ZNF131: variants seen among roughly 807,000 people sequenced by gnomAD.
ZNF131 encodes zinc finger protein 131.
A neutral mutation model predicts 60.0 loss-of-function variants in ZNF131; 7 were observed. The ratio of observed to expected loss-of-function variants is 0.12; its 90% confidence interval spans 0.07 to 0.22. ZNF131 has a LOEUF of 0.22. Among genes scored for constraint, ZNF131 ranks in the 10% least tolerant of loss-of-function variants. ZNF131 has a pLI of 1.00. For synonymous variants in ZNF131, 257 were observed against 253.2 expected, an observed-to-expected ratio of 1.01 and a Z score of -0.14; for missense variants, 493 against 740.9, an observed-to-expected ratio of 0.67 and a Z score of 3.88.
In ZNF131 at chr5:43,173,309, C is replaced by A. The variant is rs780715636; in HGVS notation, c.1055-9C>A. ...AATTTGCCAACGTATCTTTTTTCCC[C>A]TCTAATAGGTGAAAAACCTTTTGAA... is the stretch of plus-strand genomic sequence containing the variant. On this transcript the variant is annotated splice_polypyrimidine_tract_variant and intron_variant, in intron 5 of 6. Coordinates refer to ENST00000682664, the MANE Select transcript of ZNF131 (RefSeq NM_001330707.2). 6 of 1,559,710 alleles carry A rather than the reference C, an allele frequency of 3.8e-6. No homozygotes were observed. The highest frequency in any genetic ancestry group is 5.2e-6 in the Non-Finnish European group (6 of 1,145,506).
At chr5:43,133,954 TAAAAG>T (rs1745687217) in intron 3 of ZNF131, among the ~76,000 whole-genome samples, 1 of 152,136 alleles carries the variant, frequency 6.6e-6, no homozygotes, top group African/African-American at 2.4e-5. Flanking sequence ...AATGAAATGT[TAAAAG>T]AAATTAATGC....
At chr5:43,133,114 A>C (rs1745577042) in intron 3 of ZNF131, among the ~76,000 whole-genome samples, 1 of 152,204 alleles carries the variant, frequency 6.6e-6, no homozygotes, top group Non-Finnish European at 1.5e-5. Flanking sequence ...GTATCACTTT[A>C]GGACTAAATT....
chr5:43,138,566 C>T (rs537316996), intron 3 of ZNF131, among the ~76,000 whole-genome samples: 1 of 152,232 alleles, frequency 6.6e-6, no homozygotes, highest in South Asian at 2.1e-4. Context: ...ACAGGAGAAT[C>T]TCTTGAATCT....
chr5:43,153,083 C>G (rs532464770), intron 4 of ZNF131, among the ~76,000 whole-genome samples: 1 of 152,246 alleles, frequency 6.6e-6, no homozygotes, highest in East Asian at 1.9e-4. Context: ...ACATTTAAAA[C>G]TTAGAGACCC....
chr5:43,156,700 C>A (rs1749008480), intron 4 of ZNF131, among the ~76,000 whole-genome samples: 1 of 152,122 alleles, frequency 6.6e-6, no homozygotes, highest in African/African-American at 2.4e-5. Flanking sequence ...GGTTTATGTC[C>A]TTTTTGACTT....
chr5:43,155,364 C>T (rs1748829478), intron 4 of ZNF131, among the ~76,000 whole-genome samples: 1 of 152,104 alleles, frequency 6.6e-6, no homozygotes, highest in South Asian at 2.1e-4. Context: ...AACAAGAGCG[C>T]AACAGCAAAC....
intron 6 of ZNF131, among the ~76,000 whole-genome samples, chr5:43,174,089 G>A (rs745643014): frequency 2.2e-4 from 34 of 152,240 alleles, no homozygotes; most frequent in African/African-American, 6.7e-4. Flanking sequence ...TTAGCCAGGC[G>A]TGGTGGCAGA....
chr5:43,156,600 C>T (rs908642149), intron 4 of ZNF131, among the ~76,000 whole-genome samples: 10 of 152,220 alleles, frequency 6.6e-5, no homozygotes, highest in African/African-American at 2.4e-4. Flanking sequence ...GTCAGTGTAA[C>T]GTCATCCCTG....
intron 4 of ZNF131, among the ~76,000 whole-genome samples, chr5:43,150,880 A>G (rs1748220909): frequency 6.6e-6 from 1 of 152,218 alleles, no homozygotes; most frequent in Non-Finnish European, 1.5e-5. Flanking sequence ...TTCAAGCAGC[A>G]GGATTTGGGC....
At chr5:43,164,801 G>C (rs1333151774) in intron 5 of ZNF131, among the ~76,000 whole-genome samples, 1 of 152,162 alleles carries the variant, frequency 6.6e-6, no homozygotes, top group Non-Finnish European at 1.5e-5. Flanking sequence ...AGTAATTTAA[G>C]TAGTTGTTAT....
At chr5:43,153,888 C>G (rs1748636589) in intron 4 of ZNF131, among the ~76,000 whole-genome samples, 1 of 152,194 alleles carries the variant, frequency 6.6e-6, no homozygotes, top group East Asian at 1.9e-4. Context: ...TGTCGCCATA[C>G]TCAACAAGCT....
chr5:43,123,172 T>G, intron 2 of ZNF131, 37 bp from the exon 3 acceptor site: 1 of 1,518,882 alleles, frequency 6.6e-7, no homozygotes, highest in Non-Finnish European at 8.9e-7. Flanking sequence ...TTTTCGTGCT[T>G]GTGTATGATT....
chr5:43,151,917 C>T (rs1748362017), intron 4 of ZNF131, among the ~76,000 whole-genome samples: 1 of 152,202 alleles, frequency 6.6e-6, no homozygotes, highest in African/African-American at 2.4e-5. Context: ...ATGTAGTCTC[C>T]TTTCCCAGTT....
At chr5:43,168,791 C>T (rs369644943) in intron 5 of ZNF131, among the ~76,000 whole-genome samples, 7 of 151,970 alleles carry the variant, frequency 4.6e-5, no homozygotes, top group African/African-American at 9.7e-5. Context: ...GCAGTGTTAG[C>T]GGAAAAGAGA....
At chr5:43,164,870 C>G (rs1750155677) in intron 5 of ZNF131, among the ~76,000 whole-genome samples, 2 of 152,106 alleles carry the variant, frequency 1.3e-5, no homozygotes, top group Non-Finnish European at 2.9e-5. Context: ...CAAACCGAAC[C>G]CCCACTTCAT....
intron 4 of ZNF131, among the ~76,000 whole-genome samples, chr5:43,144,617 T>A (rs1236648879): frequency 6.6e-6 from 1 of 152,178 alleles, no homozygotes; most frequent in Non-Finnish European, 1.5e-5. Flanking sequence ...AGCCCAAACT[T>A]GTAATGCCAC....
rs1743929949 is a variant in ZNF131, at chr5:43,122,104, T to C, written c.51T>C (p.His17=). 6.2e-7 allele frequency: 1 copy of C among 1,614,146 alleles called. No individual in the cohort carries two copies. The highest frequency in any genetic ancestry group is 8.5e-7 in the Non-Finnish European group (1 of 1,180,024). The change falls in exon 2 of 7, where the codon CAT becomes CAC. Residue 17 remains histidine, a synonymous_variant. Transcript: ENST00000682664. ...MECLQEFPEH[H]KMILDRLNEQ... is the part of the protein sequence containing the mutation. ...GCCTTCAGGAGTTCCCTGAACATCA[T>C]AAAATGATCCTCGACCGATTGAATG...
intron 4 of ZNF131, among the ~76,000 whole-genome samples, chr5:43,152,037 G>A (rs895130552): frequency 5.3e-5 from 8 of 151,200 alleles, no homozygotes; most frequent in Middle Eastern, 3.4e-3. Flanking sequence ...ATGGAGTCCC[G>A]CTCTGTCGCC....
chr5:43,153,463 TAA>T (rs35596507), intron 4 of ZNF131, among the ~76,000 whole-genome samples: 789 of 61,136 alleles, frequency 0.013, 9 homozygotes, highest in African/African-American at 0.054. Flanking sequence ...CCATCTCTAC[TAA>T]AAAAAAAAAA....
Sources: gnomAD v4.1 joint callset for allele counts (sites outside exome capture counted in the v4.1 genomes callset) on GRCh38, gnomAD v4.1.1 for gene constraint, MANE v1.5 for transcripts, NCBI Gene and HGNC (gene_info 2026-07-23, HGNC 2026-07-21) for gene names.